Variants in PADI2 observed in about 807,000 individuals in gnomAD.
PADI2 encodes peptidyl arginine deiminase 2.
In PADI2, 70 loss-of-function variants were observed where a neutral mutation model predicts 81.1. The observed-to-expected ratio is 0.86, with a 90% CI of 0.71 to 1.05. The LOEUF (loss-of-function observed/expected upper bound fraction) is 1.05. PADI2 is among the 50% of genes least tolerant of loss of function. PADI2 has a pLI of 0.00. For missense variants in PADI2, 853 were observed against 889.9 expected (o/e 0.96, Z 0.53); for synonymous variants, 338 against 358.0 (o/e 0.94, Z 0.63).
At chr1:17,070,508 T>TGGCCC (rs1299215572) in intron 14 of PADI2, among the ~76,000 whole-genome samples, 1 of 152,224 alleles carries the variant, frequency 6.6e-6, no homozygotes, top group Non-Finnish European at 1.5e-5. Context: ...AGCACCTCAG[T>TGGCCC]GACCCCTCGG....
intron 13 of PADI2, among the ~76,000 whole-genome samples, chr1:17,073,374 A>T (rs1474756517): frequency 6.7e-6 from 1 of 149,866 alleles, no homozygotes; most frequent in Non-Finnish European, 1.5e-5. Flanking sequence ...CCGAGATGGC[A>T]CCACTGCACT....
At chr1:17,090,116 G>A (rs1930631235) in intron 6 of PADI2, among the ~76,000 whole-genome samples, 1 of 152,198 alleles carries the variant, frequency 6.6e-6, no homozygotes, top group Non-Finnish European at 1.5e-5. Context: ...GTCTTCCTAG[G>A]AGCACTGAAG....
chr1:17,073,325 G>A (rs967026322), intron 13 of PADI2, among the ~76,000 whole-genome samples: 3 of 150,764 alleles, frequency 2.0e-5, no homozygotes, highest in East Asian at 4.0e-4. Context: ...GCTGAGGCAG[G>A]AGAATGGCTT....
In PADI2 at chr1:17,069,054, A is replaced by G. The variant is rs760002204; in HGVS notation, c.1988T>C (p.Met663Thr). 1 of 1,612,456 alleles carries G rather than the reference A, an allele frequency of 6.2e-7. No individual in the cohort carries two copies. Among genetic ancestry groups the G allele is most frequent in the Non-Finnish European group, 8.5e-7 (1 of 1,178,398 alleles). ...AGGGCCCCTGGCAGGTCAGGGCACC[A>G]TGTGCCACCACTTGAAGGTGAAGGG... Reference protein sequence around the residue: ...RKPFTFKWWHMVP With the variant: ...RKPFTFKWWHTVP The change falls in exon 16 of 16, where the codon ATG becomes ACG. Residue 663 changes from methionine (M) to threonine (T), a missense_variant. Coordinates refer to ENST00000375486, the MANE Select transcript of PADI2 (RefSeq NM_007365.3).
At position 17,115,232 on chromosome 1, in the gene PADI2, C is replaced by T. The variant is rs77590217; in HGVS notation, c.92+4048G>A. On this transcript the variant is annotated intron_variant, in intron 1 of 15. Coordinates refer to ENST00000375486, the MANE Select transcript of PADI2 (RefSeq NM_007365.3). The surrounding 1 kb of genome is among the most constrained non-coding windows in gnomAD (Gnocchi z 4.1). ...CTGACATTTATCTTCTTTCTGTCTT[C>T]TACTGGGACAATGGCTGGTCAGCCT... is the stretch of plus-strand genomic sequence containing the variant. 0.017 allele frequency among the ~76,000 whole-genome samples: 2,658 copies of T among 152,344 alleles called. 50 individuals carry two copies. The highest frequency in any genetic ancestry group is 0.061 in the East Asian group (316 of 5,180).
chr1:17,095,294 C>G (rs1930873894), intron 4 of PADI2, among the ~76,000 whole-genome samples: 1 of 152,180 alleles, frequency 6.6e-6, no homozygotes, highest in African/African-American at 2.4e-5. Context: ...AAAATACATG[C>G]ACACCAACCA....
chr1:17,100,565 G>C (rs984141632), intron 3 of PADI2, among the ~76,000 whole-genome samples: 1 of 152,000 alleles, frequency 6.6e-6, no homozygotes, highest in African/African-American at 2.4e-5. Context: ...GATTACAGGC[G>C]TGAGCCACTG....
At position 17,068,340 on chromosome 1, in the gene PADI2, G is replaced by A; in HGVS notation, c.*704C>T. ...GGGAGAAATCCCCATGCATGCGGGGGAGCCTGCATCCCTGAGACAGATGAG... is the reference window on the plus strand; with the variant it reads ...GGGAGAAATCCCCATGCATGCGGGGAAGCCTGCATCCCTGAGACAGATGAG... On this transcript the variant is annotated 3_prime_UTR_variant, in exon 16 of 16. Coordinates refer to ENST00000375486, the MANE Select transcript of PADI2 (RefSeq NM_007365.3). 1 of 152,664 alleles carries A rather than the reference G, an allele frequency of 6.6e-6. No homozygotes were observed. The highest frequency in any genetic ancestry group is 1.9e-4 in the East Asian group (1 of 5,200). The allele number at this position is 152,664 out of a possible 1,614,324, so 9.5% of individuals were successfully genotyped here. A position where few individuals can be genotyped will look rare whatever the true frequency, so the allele number is the denominator to read the frequency against.
chr1:17,095,454 A>T (rs976292686), intron 4 of PADI2, among the ~76,000 whole-genome samples: 6 of 152,266 alleles, frequency 3.9e-5, no homozygotes, highest in Non-Finnish European at 7.4e-5. Flanking sequence ...TGAATGGTGA[A>T]TGAATGCAAG....
chr1:17,073,416 C>CAAAAAAAAAAAAAAAA (rs55941211), intron 13 of PADI2, among the ~76,000 whole-genome samples: 33 of 127,440 alleles, frequency 2.6e-4, no homozygotes, highest in Non-Finnish European at 5.3e-4. Context: ...GACTGTGTCT[C>CAAAAAAAAAAAAAAAA]AAAAAAAAAA....
At chr1:17,092,312 T>C in intron 6 of PADI2, 96 bp downstream of exon 6, 2 of 1,043,880 alleles carry the variant, frequency 1.9e-6, no homozygotes, top group Non-Finnish European at 2.8e-6. Flanking sequence ...ATCCAGGTCT[T>C]CCCCAGGCAC....
chr1:17,088,351 C>T (rs936543392), intron 6 of PADI2, among the ~76,000 whole-genome samples: 4 of 152,106 alleles, frequency 2.6e-5, no homozygotes, highest in African/African-American at 9.7e-5. Flanking sequence ...GTGCTTTCAA[C>T]GACAATGATA....
intron 14 of PADI2, 81 bp downstream of exon 14, chr1:17,071,325 A>T: frequency 9.5e-7 from 1 of 1,053,074 alleles, no homozygotes; most frequent in Non-Finnish European, 1.5e-6. Context: ...GCCATTCTCT[A>T]CGGAAGCCCC....
intron 15 of PADI2, among the ~76,000 whole-genome samples, chr1:17,069,659 TTC>T (rs1057106005): frequency 3.2e-4 from 47 of 147,400 alleles, no homozygotes; most frequent in African/African-American, 8.9e-4. Context: ...GCATGTGTGT[TTC>T]TGTGTGCATG....
chr1:17,111,536 T>C (rs1931581084), intron 1 of PADI2, among the ~76,000 whole-genome samples: 1 of 152,108 alleles, frequency 6.6e-6, no homozygotes, highest in Admixed American at 6.5e-5. Context: ...GTTTAAACTT[T>C]ATAATCTAAA....
rs941998101 is a variant in PADI2 at position 17,115,880 on chromosome 1, T to C, written c.92+3400A>G. 6.6e-6 allele frequency among the ~76,000 whole-genome samples: 1 copy of C among 152,240 alleles called. No individual in the cohort carries two copies. The highest frequency in any genetic ancestry group is 1.5e-5 in the Non-Finnish European group (1 of 68,032). ...AACAAACACCCTACTTCCTTCTTTC[T>C]ATGTATCTATTCATTGCTTGCTGGA... On this transcript the variant is annotated intron_variant, in intron 1 of 15. Transcript: ENST00000375486. The surrounding 1 kb of genome is among the most constrained non-coding windows in gnomAD (Gnocchi z 4.1).
intron 12 of PADI2, 141 bp from the exon 13 acceptor site, chr1:17,075,090 A>C (rs765712228): frequency 3.6e-5 from 20 of 556,872 alleles, no homozygotes; most frequent in African/African-American, 7.7e-5. Context: ...GCTGACGGGG[A>C]GGGTGTTCTC....
intron 12 of PADI2, 46 bp downstream of exon 12, chr1:17,075,633 G>C (rs1249356408): frequency 6.5e-7 from 1 of 1,549,212 alleles, no homozygotes; most frequent in African/African-American, 1.4e-5. Flanking sequence ...GTAATATATT[G>C]GTTTGCTGCT....
At chr1:17,093,726 C>A in intron 4 of PADI2, 42 bp from the exon 5 acceptor site, 1 of 1,180,784 alleles carries the variant, frequency 8.5e-7, no homozygotes, top group Non-Finnish European at 1.3e-6. Context: ...CTTCTCTATG[C>A]TTGTATAGAC....
Sources: gnomAD v4.1 joint callset for allele counts (sites outside exome capture counted in the v4.1 genomes callset) on GRCh38, gnomAD v4.1.1 for gene constraint, Gnocchi (gnomAD v3.1) non-coding constraint, MANE v1.5 for transcripts, NCBI Gene and HGNC (gene_info 2026-07-23, HGNC 2026-07-21) for gene names.